Variants in CDCA7L observed in about 807,000 individuals in gnomAD.
CDCA7L encodes cell division cycle-associated 7-like protein.
CDCA7L carries 44 observed loss-of-function variants against 57.4 expected under a neutral mutation model. The ratio of observed to expected loss-of-function variants is 0.77; its 90% CI spans 0.60 to 0.98. CDCA7L has a LOEUF of 0.98. Among genes scored for constraint, CDCA7L ranks in the 50% least tolerant of loss-of-function variants. The pLI, the probability that CDCA7L is intolerant of heterozygous loss-of-function variation, is 0.00. For synonymous variants in CDCA7L, 236 were observed against 202.8 expected (o/e 1.16, Z -1.39); for missense variants, 644 against 580.6 (o/e 1.11, Z -1.12).
intron 1 of CDCA7L, among the ~76,000 whole-genome samples, chr7:21,942,021 G>T (rs933740617): frequency 6.6e-6 from 1 of 152,106 alleles, no homozygotes; most frequent in Non-Finnish European, 1.5e-5. Flanking sequence ...ATGGCCTTCT[G>T]GTAGAGAGTG....
rs925148530 is a variant in CDCA7L at position 21,902,047 on chromosome 7, ATTTAAACTGTGCTT to A, written c.*261_*274del. 4.3e-6 allele frequency: 2 copies of A among 460,892 alleles called. No individual in the cohort carries two copies. The highest frequency in any genetic ancestry group is 7.9e-6 in the Non-Finnish European group (2 of 254,596). 28.6% of individuals were successfully genotyped at this position (460,892 alleles called of 1,614,324 possible). ...CTTACCTGAACTTTAACCCCACCCC[ATTTAAACTGTGCTT>A]TTTAATAACTGGCAGATATTTTTAA... On this transcript the variant is annotated 3_prime_UTR_variant, in exon 10 of 10. Transcript: ENST00000406877.
At position 21,930,881 on chromosome 7, in the gene CDCA7L, C is replaced by T. The variant is rs111373223; in HGVS notation, c.25-13987G>A. Reference sequence around the variant, plus strand: ...TTTTGAAAAGATCAACAAAATAGACCGCTAGCCAGACAAAGAAGAAAAGAG... The same window carrying T: ...TTTTGAAAAGATCAACAAAATAGACTGCTAGCCAGACAAAGAAGAAAAGAG... On this transcript the variant is annotated intron_variant, in intron 1 of 9. Coordinates refer to ENST00000406877, the MANE Select transcript of CDCA7L (RefSeq NM_018719.5). Among the ~76,000 whole-genome samples the T allele has an allele frequency of 2.0e-3, 306 of 151,350 alleles. 2 individuals carry two copies. The highest frequency in any genetic ancestry group is 6.8e-3 in the Middle Eastern group (2 of 294).
chr7:21,933,017 A>C (rs1786062660), intron 1 of CDCA7L, among the ~76,000 whole-genome samples: 1 of 152,254 alleles, frequency 6.6e-6, no homozygotes, highest in South Asian at 2.1e-4. Context: ...TCTCAAAAGA[A>C]GACATTTATA....
chr7:21,911,963 CAA>C (rs59150302), intron 2 of CDCA7L, among the ~76,000 whole-genome samples: 1 of 137,286 alleles, frequency 7.3e-6, no homozygotes, highest in African/African-American at 2.7e-5. Context: ...TATTTTACCA[CAA>C]AAAAAAAAAA....
At chr7:21,929,429 T>C (rs1414742180) in intron 1 of CDCA7L, among the ~76,000 whole-genome samples, 1 of 152,040 alleles carries the variant, frequency 6.6e-6, no homozygotes, top group Non-Finnish European at 1.5e-5. Context: ...AGCATCATAA[T>C]AACAGGATCA....
At chr7:21,903,157 G>T in intron 8 of CDCA7L, 43 bp from the exon 9 acceptor site, 1 of 1,589,358 alleles carries the variant, frequency 6.3e-7, no homozygotes, top group South Asian at 1.1e-5. Context: ...ATTATCTACA[G>T]GGTCTGGCAA....
chr7:21,930,325 G>A, intron 1 of CDCA7L, among the ~76,000 whole-genome samples: 1 of 152,160 alleles, frequency 6.6e-6, no homozygotes, highest in Non-Finnish European at 1.5e-5. Context: ...AGTGTTGAGA[G>A]GGAAATTTAT....
intron 1 of CDCA7L, among the ~76,000 whole-genome samples, chr7:21,932,073 T>C (rs146909702): frequency 0.011 from 1,610 of 152,108 alleles, 23 homozygotes; most frequent in African/African-American, 0.037. Context: ...GAGAATAAAA[T>C]ACCTAGGAAT....
At chr7:21,912,770 A>C (rs1253297484) in intron 2 of CDCA7L, among the ~76,000 whole-genome samples, 2 of 152,218 alleles carry the variant, frequency 1.3e-5, no homozygotes, top group Non-Finnish European at 2.9e-5. Context: ...CTCGTGCAGG[A>C]GGTGAGAGGT....
chr7:21,928,168 C>T (rs1041633098), intron 1 of CDCA7L, among the ~76,000 whole-genome samples: 9 of 152,212 alleles, frequency 5.9e-5, no homozygotes, highest in East Asian at 1.9e-4. Context: ...CGGTCTGGAG[C>T]GGGCCTCCAG....
At position 21,901,473 on chromosome 7, in the gene CDCA7L, G is replaced by A; in HGVS notation, c.*849C>T. 2.0e-6 allele frequency: 1 copy of A among 509,788 alleles called. No individual in the cohort carries two copies. The highest frequency in any genetic ancestry group is 2.9e-6 in the Non-Finnish European group (1 of 343,416). The allele number at this position is 509,788 out of a possible 1,614,324, so 31.6% of individuals were successfully genotyped here. On this transcript the variant is annotated 3_prime_UTR_variant, in exon 10 of 10. Transcript: ENST00000406877. ...GACTGTAATCCCAGTTACTCAGGAG[G>A]TAGGAGAATCACTTGAACCTAGGAG...
Position 21,902,270 on chromosome 7 carries a change from T to C in CDCA7L, c.*52A>G. 1 of 1,539,406 alleles carries C rather than the reference T, an allele frequency of 6.5e-7. No homozygotes were observed. Reference sequence around the variant, plus strand: ...CTTTCTTAGGCACCAATGGTATGCATGTCTTGTTGGAGTACTCTATGGTGA... The same window carrying C: ...CTTTCTTAGGCACCAATGGTATGCACGTCTTGTTGGAGTACTCTATGGTGA... On this transcript the variant is annotated 3_prime_UTR_variant, in exon 10 of 10. Coordinates refer to ENST00000406877, the MANE Select transcript of CDCA7L (RefSeq NM_018719.5).
chr7:21,944,130 C>A (rs1359270540), intron 1 of CDCA7L, among the ~76,000 whole-genome samples: 1 of 152,034 alleles, frequency 6.6e-6, no homozygotes, highest in Non-Finnish European at 1.5e-5. Flanking sequence ...CCTGTAGCAA[C>A]AGAAACTCCT....
Position 21,916,741 on chromosome 7 carries a change from G to A in CDCA7L, c.165+13C>T. ...CCAGATGAACACATCTGCTTGGAAG[G>A]AATCATCCATACCTGTTTCCCTGAC... is the stretch of plus-strand genomic sequence containing the variant. On this transcript the variant is annotated intron_variant, in intron 2 of 9. Coordinates refer to ENST00000406877, the MANE Select transcript of CDCA7L (RefSeq NM_018719.5). 5 of 1,612,978 alleles carry A rather than the reference G, an allele frequency of 3.1e-6. No homozygotes were observed. The highest frequency in any genetic ancestry group is 4.2e-6 in the Non-Finnish European group (5 of 1,179,180).
intron 1 of CDCA7L, among the ~76,000 whole-genome samples, chr7:21,940,737 G>C (rs1273955207): frequency 1.3e-5 from 2 of 152,216 alleles, no homozygotes; most frequent in African/African-American, 4.8e-5. Context: ...TGTGGATGGG[G>C]TGTCCCTGCC....
intron 1 of CDCA7L, among the ~76,000 whole-genome samples, chr7:21,934,554 A>C (rs1786107688): frequency 6.6e-6 from 1 of 152,208 alleles, no homozygotes; most frequent in Non-Finnish European, 1.5e-5. Flanking sequence ...TTAAATCACA[A>C]GATTAAGTAA....
intron 8 of CDCA7L, chr7:21,903,850 A>AAAACTAGAGGACTGT (rs1554295180): frequency 2.8e-6 from 1 of 351,154 alleles, no homozygotes; most frequent in Non-Finnish European, 5.1e-6. Context: ...TTACTTGCAT[A>AAAACTAGAGGACTGT]AAACTAGAGG....
At chr7:21,903,156 A>C in intron 8 of CDCA7L, 42 bp from the exon 9 acceptor site, 1 of 1,589,808 alleles carries the variant, frequency 6.3e-7, no homozygotes, top group Non-Finnish European at 8.6e-7. Context: ...CATTATCTAC[A>C]GGGTCTGGCA....
intron 1 of CDCA7L, among the ~76,000 whole-genome samples, chr7:21,931,574 A>G (rs1786017327): frequency 1.3e-5 from 2 of 152,242 alleles, no homozygotes; most frequent in African/African-American, 4.8e-5. Flanking sequence ...ATAAAATTCA[A>G]CACCGATTCC....
Sources: gnomAD v4.1 joint callset for allele counts (sites outside exome capture counted in the v4.1 genomes callset) on GRCh38, gnomAD v4.1.1 for gene constraint, MANE v1.5 for transcripts, NCBI Gene and HGNC (gene_info 2026-07-23, HGNC 2026-07-21) for gene names.